GRK4: variants seen among roughly 807,000 people sequenced by gnomAD.
The protein encoded by GRK4 is G protein-coupled receptor kinase 4.
In GRK4, 73 loss-of-function variants were observed where a neutral mutation model predicts 77.9. The observed-to-expected ratio is 0.94, with a 90% CI of 0.78 to 1.14. GRK4 has a LOEUF of 1.14. GRK4 is among the 50% of genes most tolerant of loss of function. GRK4 has a pLI of 0.00. For synonymous variants in GRK4, 257 were observed against 254.4 expected (o/e 1.01, Z -0.10); for missense variants, 729 against 700.2 (o/e 1.04, Z -0.46).
intron 7 of GRK4, among the ~76,000 whole-genome samples, chr4:3,012,504 C>T (rs188507484): frequency 2.9e-4 from 44 of 152,234 alleles, no homozygotes; most frequent in African/African-American, 1.0e-3. Context: ...CAATATTTTC[C>T]ACAATTAACT....
At chr4:3,003,513 A>G (rs1190661901) in intron 4 of GRK4, among the ~76,000 whole-genome samples, 1 of 151,726 alleles carries the variant, frequency 6.6e-6, no homozygotes, top group East Asian at 1.9e-4. Context: ...TTCATTTAAC[A>G]TAATGTCCAA....
intron 10 of GRK4, among the ~76,000 whole-genome samples, chr4:3,025,907 T>C (rs1234098825): frequency 6.6e-6 from 1 of 152,202 alleles, no homozygotes; most frequent in African/African-American, 2.4e-5. Flanking sequence ...GTAGACCACA[T>C]GTATTGTCCT....
At chr4:3,034,173 C>T (rs1482039887) in intron 12 of GRK4, among the ~76,000 whole-genome samples, 3 of 152,148 alleles carry the variant, frequency 2.0e-5, no homozygotes, top group Non-Finnish European at 4.4e-5. Flanking sequence ...GGCCAGAAAG[C>T]TAAAACCTGA....
At chr4:3,015,730 C>A (rs1734273393) in intron 8 of GRK4, among the ~76,000 whole-genome samples, 1 of 151,046 alleles carries the variant, frequency 6.6e-6, no homozygotes, top group Non-Finnish European at 1.5e-5. Context: ...CTCTCATGTG[C>A]AATTACTTGA....
intron 1 of GRK4, among the ~76,000 whole-genome samples, chr4:2,983,099 G>A (rs1352159641): frequency 6.6e-6 from 1 of 152,184 alleles, no homozygotes. Flanking sequence ...CAAAACTAAG[G>A]CTGAGGAAGA....
intron 5 of GRK4, among the ~76,000 whole-genome samples, chr4:3,007,411 C>T (rs1322755577): frequency 6.6e-6 from 1 of 151,926 alleles, no homozygotes; most frequent in African/African-American, 2.4e-5. Context: ...TGGCTTTGAC[C>T]TCTATGCTGT....
At chr4:3,032,335 A>G (rs1365884785) in intron 12 of GRK4, among the ~76,000 whole-genome samples, 4 of 151,314 alleles carry the variant, frequency 2.6e-5, no homozygotes, top group African/African-American at 9.7e-5. Flanking sequence ...AAAATTAGCC[A>G]GGTGCGGTGG....
chr4:3,024,277 G>A (rs997759274), intron 10 of GRK4, among the ~76,000 whole-genome samples: 1 of 152,056 alleles, frequency 6.6e-6, no homozygotes, highest in African/African-American at 2.4e-5. Context: ...TTAAGGTCAG[G>A]GTCTCTCTAT....
At chr4:3,036,857 G>C (rs1013050233) in intron 13 of GRK4, among the ~76,000 whole-genome samples, 5 of 152,196 alleles carry the variant, frequency 3.3e-5, no homozygotes, top group African/African-American at 1.2e-4. Context: ...AGTGCACCAA[G>C]AATTGGAGGC....
At chr4:2,994,879 C>T (rs902548677) in intron 4 of GRK4, among the ~76,000 whole-genome samples, 3 of 152,134 alleles carry the variant, frequency 2.0e-5, no homozygotes, top group Non-Finnish European at 4.4e-5. Flanking sequence ...TTTCATCACC[C>T]AGGTATTAAG....
chr4:3,022,553 T>A, intron 10 of GRK4, 102 bp downstream of exon 10: 1 of 1,018,162 alleles, frequency 9.8e-7, no homozygotes, highest in Non-Finnish European at 1.5e-6. Context: ...TAGGAGAGAA[T>A]GGAAACAATA....
chr4:3,007,697 T>C, intron 5 of GRK4, 39 bp from the exon 6 acceptor site: 2 of 1,304,320 alleles, frequency 1.5e-6, no homozygotes, highest in Non-Finnish European at 2.2e-6. Flanking sequence ...TATTTCTTAA[T>C]ACAACAAATG....
At chr4:2,989,555 C>T (rs1450066885) in intron 3 of GRK4, among the ~76,000 whole-genome samples, 2 of 152,134 alleles carry the variant, frequency 1.3e-5, no homozygotes, top group Non-Finnish European at 1.5e-5. Context: ...CCTGCCTTGG[C>T]CCCCCAAAGT....
rs1245280653 is a variant in GRK4, at chr4:3,029,270, A to G, written c.1130A>G (p.Tyr377Cys). 3 of 1,614,194 alleles carry G rather than the reference A, an allele frequency of 1.9e-6. No individual in the cohort carries two copies. The highest frequency in any genetic ancestry group is 1.7e-6 in the Non-Finnish European group (2 of 1,179,988). The change falls in exon 12 of 16, where the codon TAT (tyrosine) becomes TGT (cysteine). Residue 377 changes from tyrosine to cysteine, a missense_variant. Coordinates refer to ENST00000398052, the MANE Select transcript of GRK4 (RefSeq NM_182982.3). ...PDWWGLGCLI[Y>C]EMIQGHSPFK... ...TGGTGGGGACTTGGCTGTCTGATCTATGAAATGATTCAGGGACATTCTCCA... is the reference window on the plus strand; with the variant it reads ...TGGTGGGGACTTGGCTGTCTGATCTGTGAAATGATTCAGGGACATTCTCCA...
chr4:2,981,576 A>C (rs1365045796), intron 1 of GRK4, among the ~76,000 whole-genome samples: 2 of 152,210 alleles, frequency 1.3e-5, no homozygotes, highest in Non-Finnish European at 2.9e-5. Context: ...ACCTCTCTGC[A>C]GGCAGGTTGT....
In GRK4 at chr4:2,979,480, G is replaced by A. The variant is rs184104291; in HGVS notation, c.53-5033G>A. Among the ~76,000 whole-genome samples the A allele has an allele frequency of 4.4e-4, 66 of 151,590 alleles. 1 individual carries two copies. Among genetic ancestry groups the A allele is most frequent in the African/African-American group, 1.4e-3 (59 of 41,358 alleles). ...GTAATCCCAGCACTTTGGGGAGGCCGAGGCGGGCGGATCACCTGAGGTCAG... is the reference window on the plus strand; with the variant it reads ...GTAATCCCAGCACTTTGGGGAGGCCAAGGCGGGCGGATCACCTGAGGTCAG... On this transcript the variant is annotated intron_variant, in intron 1 of 15. Coordinates refer to ENST00000398052, the MANE Select transcript of GRK4 (RefSeq NM_182982.3).
In GRK4 at chr4:2,965,705, TCTC is replaced by T; in HGVS notation, c.52+1584_52+1586del. On this transcript the variant is annotated intron_variant, in intron 1 of 15. Transcript: ENST00000398052. ...AAAGTCTAAAACAAAGACTTCATCT[TCTC>T]AGTATTTTTGTGCACCAACTCACAC... 3 of 495,286 alleles carry T rather than the reference TCTC, an allele frequency of 6.1e-6. No homozygotes were observed. In the South Asian group the frequency reaches 6.5e-5, roughly 11 times the overall value. 30.7% of individuals were successfully genotyped at this position (495,286 alleles called of 1,614,324 possible). A position where few individuals can be genotyped will look rare whatever the true frequency, so the allele number is the denominator to read the frequency against.
At chr4:2,986,981 A>G (rs988177517) in intron 2 of GRK4, among the ~76,000 whole-genome samples, 2 of 152,212 alleles carry the variant, frequency 1.3e-5, no homozygotes, top group African/African-American at 2.4e-5. Context: ...ATGCCATACA[A>G]CTTATCCATT....
At chr4:2,965,685 C>T in intron 1 of GRK4, 1 of 546,756 alleles carries the variant, frequency 1.8e-6, no homozygotes, top group Non-Finnish European at 3.3e-6. Context: ...TTAAAAAAGT[C>T]TAAAACAAAG....
Sources: gnomAD v4.1 joint callset for allele counts (sites outside exome capture counted in the v4.1 genomes callset) on GRCh38, gnomAD v4.1.1 for gene constraint, MANE v1.5 for transcripts, NCBI Gene and HGNC (gene_info 2026-07-23, HGNC 2026-07-21) for gene names.